ABCC1: variants seen among roughly 807,000 people sequenced by gnomAD.
The protein encoded by ABCC1 is multidrug resistance-associated protein 1.
ABCC1 carries 83 observed loss-of-function variants against 172.9 expected under a neutral mutation model. That is an observed-to-expected ratio of 0.48 (90% confidence interval 0.40 to 0.58). The LOEUF (loss-of-function observed/expected upper bound fraction) is 0.58. Ranked by LOEUF, ABCC1 falls within the 20% of genes least tolerant of loss-of-function variation. The pLI is 0.00. For missense variants in ABCC1, 1,817 were observed against 2,002.7 expected, an observed-to-expected ratio of 0.91 and a Z score of 1.77; for synonymous variants, 937 against 825.2, an observed-to-expected ratio of 1.14 and a Z score of -2.32.
intron 26 of ABCC1, among the ~76,000 whole-genome samples, chr16:16,129,579 C>G (rs1231637618): frequency 6.6e-6 from 1 of 150,876 alleles, no homozygotes; most frequent in Non-Finnish European, 1.5e-5. Context: ...GCTGTGTCAC[C>G]CAGACTGGAG....
In ABCC1 at chr16:16,138,514, CCT is replaced by C. The variant is rs1567448009; in HGVS notation, c.4445_4446del (p.Leu1482HisfsTer87). The C allele has an allele frequency of 1.3e-6, 2 of 1,573,858 alleles. No homozygotes were observed. Reference sequence around the variant, plus strand: ...GGACACAGTTCGAGGACTGCACCGTCCTCACCATCGCCCACCGGCTCAACACC... The same window carrying C: ...GGACACAGTTCGAGGACTGCACCGTCCACCATCGCCCACCGGCTCAACACC... ...IRTQFEDCTV[L>X]TIAHRLNTIM... On this transcript the variant is annotated frameshift_variant, in exon 30 of 31. Transcript: ENST00000399410. LOFTEE classifies it high-confidence loss of function.
intron 1 of ABCC1, among the ~76,000 whole-genome samples, chr16:15,955,466 C>T (rs1442125783): frequency 2.6e-5 from 4 of 152,134 alleles, no homozygotes; most frequent in Non-Finnish European, 5.9e-5. Context: ...TGCAGTAGTT[C>T]CTTGAGGGTA....
At chr16:15,982,804 A>AAAAAAAAAAAAAC (rs2046654181) in intron 1 of ABCC1, among the ~76,000 whole-genome samples, 1 of 57,724 alleles carries the variant, frequency 1.7e-5, no homozygotes, top group Non-Finnish European at 3.3e-5. Context: ...AGACGCTGTC[A>AAAAAAAAAAAAAC]AAAAAAAAAA....
At chr16:16,117,783 A>C (rs929701248) in intron 23 of ABCC1, among the ~76,000 whole-genome samples, 4 of 152,166 alleles carry the variant, frequency 2.6e-5, no homozygotes, top group African/African-American at 9.6e-5. Context: ...GCATGTGCCT[A>C]TAGTCCCAGC....
At chr16:16,069,660 T>G (rs1567369610) in intron 13 of ABCC1, among the ~76,000 whole-genome samples, 1 of 152,082 alleles carries the variant, frequency 6.6e-6, no homozygotes, top group East Asian at 1.9e-4. Context: ...CATTTTATTA[T>G]GAAAAATGTC....
intron 5 of ABCC1, among the ~76,000 whole-genome samples, chr16:16,017,114 A>G (rs909656819): frequency 9.9e-5 from 15 of 152,270 alleles, no homozygotes; most frequent in African/African-American, 2.6e-4. Context: ...TCCTTGGTCT[A>G]TTTTGTCAGT....
chr16:15,954,573 T>C (rs1567271725), intron 1 of ABCC1, among the ~76,000 whole-genome samples: 1 of 150,494 alleles, frequency 6.6e-6, no homozygotes, highest in Non-Finnish European at 1.5e-5. Flanking sequence ...GACTCAGGGG[T>C]TCCTGGTCCA....
At chr16:16,012,502 T>TC (rs1418513210) in intron 3 of ABCC1, among the ~76,000 whole-genome samples, 1 of 136,054 alleles carries the variant, frequency 7.4e-6, no homozygotes, top group Non-Finnish European at 1.6e-5. Flanking sequence ...TTTTTTTTTT[T>TC]CAATTTCACT....
intron 17 of ABCC1, 31 bp from the exon 18 acceptor site, chr16:16,086,793 G>C: frequency 6.2e-7 from 1 of 1,607,480 alleles, no homozygotes; most frequent in South Asian, 1.1e-5. Context: ...GATTTCCCAG[G>C]AAACCCACTC....
chr16:15,955,963 T>G (rs1338431643), intron 1 of ABCC1, among the ~76,000 whole-genome samples: 1 of 152,122 alleles, frequency 6.6e-6, no homozygotes, highest in Non-Finnish European at 1.5e-5. Context: ...GTTGAAAATT[T>G]AGGATGCAGC....
In ABCC1 at chr16:16,136,531, G is replaced by A; in HGVS notation, c.4179G>A (p.Gln1393=). ...SLRMNLDPFS[Q]YSDEEVWTSL... is the part of the protein sequence containing the mutation. ...GAATGAACCTGGACCCATTCAGCCA[G>A]TACTCGGATGAAGAAGTCTGGACGT... Residue 1393 remains glutamine (Q), a synonymous_variant, in exon 29 of 31, where the codon CAG becomes CAA. Transcript: ENST00000399410. 1 of 1,614,184 alleles carries A rather than the reference G, an allele frequency of 6.2e-7. No homozygotes were observed.
At chr16:16,028,751 G>C (rs1436750762) in intron 5 of ABCC1, among the ~76,000 whole-genome samples, 1 of 152,136 alleles carries the variant, frequency 6.6e-6, no homozygotes, top group South Asian at 2.1e-4. Context: ...GGGATAGGTC[G>C]AGCAAGCAGT....
intron 5 of ABCC1, among the ~76,000 whole-genome samples, chr16:16,019,208 A>G (rs2151776580): frequency 6.6e-6 from 1 of 151,980 alleles, no homozygotes; most frequent in African/African-American, 2.4e-5. Context: ...GGTTCAAGCG[A>G]TTCTTCTGCT....
intron 13 of ABCC1, among the ~76,000 whole-genome samples, chr16:16,070,142 G>A (rs1184330131): frequency 1.3e-5 from 2 of 152,174 alleles, no homozygotes; most frequent in Admixed American, 1.3e-4. Context: ...AGCACTGTGG[G>A]AGGCTGAGGT....
At chr16:15,966,345 GA>G (rs1193659829) in intron 1 of ABCC1, among the ~76,000 whole-genome samples, 5 of 151,508 alleles carry the variant, frequency 3.3e-5, no homozygotes, top group African/African-American at 4.9e-5. Flanking sequence ...CCAGGAGGCG[GA>G]GGTTGCAGTG....
chr16:16,011,002 G>A (rs1230715071), intron 3 of ABCC1, among the ~76,000 whole-genome samples: 1 of 152,224 alleles, frequency 6.6e-6, no homozygotes, highest in African/African-American at 2.4e-5. Flanking sequence ...GGGAGGCTGA[G>A]GCGGGAGAAT....
At chr16:16,031,891 C>A (rs2048571530) in intron 5 of ABCC1, among the ~76,000 whole-genome samples, 1 of 152,206 alleles carries the variant, frequency 6.6e-6, no homozygotes, top group South Asian at 2.1e-4. Flanking sequence ...CTCTCTGGAG[C>A]CTGACTCTTT....
chr16:16,134,306 G>T (rs374203052), intron 27 of ABCC1, 44 bp from the exon 28 acceptor site: 2 of 1,609,964 alleles, frequency 1.2e-6, no homozygotes, highest in East Asian at 4.5e-5. Context: ...GGACAAGTCC[G>T]GATGCCAGCA....
chr16:15,952,710 G>A (rs2045901063), intron 1 of ABCC1, among the ~76,000 whole-genome samples: 1 of 97,676 alleles, frequency 1.0e-5, no homozygotes, highest in South Asian at 4.4e-4. Context: ...CTTTTTGTGA[G>A]TTCATTAAAA....
Sources: gnomAD v4.1 joint callset for allele counts (sites outside exome capture counted in the v4.1 genomes callset) on GRCh38, gnomAD v4.1.1 for gene constraint, MANE v1.5 for transcripts, NCBI Gene and HGNC (gene_info 2026-07-23, HGNC 2026-07-21) for gene names.